Variants in FSTL5 observed in about 807,000 individuals in gnomAD.
FSTL5 encodes follistatin-related protein 5.
Under a neutral mutation model 89.1 loss-of-function variants are expected in FSTL5, and 62 were observed. That is an observed-to-expected ratio of 0.70 (90% CI 0.57 to 0.86). The LOEUF (loss-of-function observed/expected upper bound fraction) is 0.86. FSTL5 is among the 40% of genes least tolerant of loss of function. FSTL5 has a pLI of 0.00. For missense variants in FSTL5, 1,057 were observed against 1,001.6 expected (o/e 1.06, Z -0.75); for synonymous variants, 383 against 346.2 (o/e 1.11, Z -1.18).
Position 162,113,212 on chromosome 4 carries a change from T to A in FSTL5, c.-16-1800A>T, listed in dbSNP as rs556861236. 4.6e-5 allele frequency among the ~76,000 whole-genome samples: 7 copies of A among 152,300 alleles called. No homozygotes were observed. In the East Asian group the frequency reaches 1.4e-3, roughly 29 times the overall value. ...CCCTCGTAGTATGCACACCTTCACA[T>A]AACACCACACTTTTCCAGATTTTCA... On this transcript the variant is annotated intron_variant, in intron 1 of 15. Transcript: ENST00000306100.
intron 10 of FSTL5, among the ~76,000 whole-genome samples, chr4:161,526,564 G>A (rs1384875674): frequency 6.6e-6 from 1 of 152,108 alleles, no homozygotes; most frequent in Admixed American, 6.5e-5. Flanking sequence ...TTCTTCTAGG[G>A]TTTTTATGGT....
chr4:161,970,589 A>T (rs1163892651), intron 3 of FSTL5, among the ~76,000 whole-genome samples: 2 of 152,144 alleles, frequency 1.3e-5, no homozygotes, highest in Non-Finnish European at 2.9e-5. Flanking sequence ...AAGAGAAAAA[A>T]GTAAAATGCT....
intron 4 of FSTL5, among the ~76,000 whole-genome samples, chr4:161,779,811 GTATATA>G (rs1203119725): frequency 4.9e-5 from 2 of 40,440 alleles, no homozygotes; most frequent in Non-Finnish European, 9.2e-5. Flanking sequence ...ATATATATAT[GTATATA>G]TATATATATA....
At chr4:162,052,367 A>G (rs1440843503) in intron 2 of FSTL5, among the ~76,000 whole-genome samples, 2 of 151,794 alleles carry the variant, frequency 1.3e-5, no homozygotes. Flanking sequence ...AGATGATTTC[A>G]GAAAATAAAC....
At chr4:161,644,827 G>C (rs1736091129) in intron 7 of FSTL5, among the ~76,000 whole-genome samples, 1 of 152,096 alleles carries the variant, frequency 6.6e-6, no homozygotes, top group African/African-American at 2.4e-5. Flanking sequence ...ATAGTTTGAA[G>C]GTGAGAAATG....
At chr4:162,112,206 T>G (rs1470281063) in intron 1 of FSTL5, among the ~76,000 whole-genome samples, 1 of 152,152 alleles carries the variant, frequency 6.6e-6, no homozygotes, top group East Asian at 1.9e-4. Context: ...CTTTTTCTTC[T>G]GTCAAAGCCA....
In FSTL5 at chr4:161,530,294, G is replaced by C. The variant is rs1274007271; in HGVS notation, c.1312+7872C>G. On this transcript the variant is annotated intron_variant, in intron 10 of 15. Coordinates refer to ENST00000306100, the MANE Select transcript of FSTL5 (RefSeq NM_020116.5). Reference sequence around the variant, plus strand: ...TGTTTTTCAATTTTTTTTCAAGATAGTTGGAAACAAATGGCTGGATTTTAC... The same window carrying C: ...TGTTTTTCAATTTTTTTTCAAGATACTTGGAAACAAATGGCTGGATTTTAC... Among the ~76,000 whole-genome samples the C allele has an allele frequency of 1.4e-5, 2 of 141,128 alleles. 1 individual carries two copies. Among genetic ancestry groups the C allele is most frequent in the Non-Finnish European group, 3.1e-5 (2 of 64,656 alleles). The allele number at this position is 141,128 out of a possible 152,430, so 92.6% of individuals were successfully genotyped here.
chr4:161,413,956 T>C lies in FSTL5; in HGVS notation c.1842-27507A>G, dbSNP rs76294054. On this transcript the variant is annotated intron_variant, in intron 15 of 15. Transcript: ENST00000306100. Reference sequence around the variant, plus strand: ...GGGAGAGTGGGTTAGCAAAACTACCTACTGGGTACCATGCTAGCTACAGGT... The same window carrying C: ...GGGAGAGTGGGTTAGCAAAACTACCCACTGGGTACCATGCTAGCTACAGGT... Among the ~76,000 whole-genome samples the C allele has an allele frequency of 3.2e-3, 485 of 152,250 alleles. 12 individuals are homozygous for C. The East Asian group carries it at 0.054, about 17-fold the overall frequency.
intron 6 of FSTL5, among the ~76,000 whole-genome samples, chr4:161,718,225 G>A (rs544470335): frequency 6.6e-6 from 1 of 152,170 alleles, no homozygotes; most frequent in East Asian, 1.9e-4. Flanking sequence ...TATACTCTCA[G>A]TTTATTATCA....
intron 15 of FSTL5, chr4:161,388,421 A>G (rs1730716188): frequency 6.6e-6 from 1 of 152,036 alleles, no homozygotes; most frequent in African/African-American, 2.4e-5. Context: ...TCTGAATCAT[A>G]AGGAATAAAA....
At chr4:161,958,295 T>C (rs1735078888) in intron 3 of FSTL5, among the ~76,000 whole-genome samples, 1 of 152,148 alleles carries the variant, frequency 6.6e-6, no homozygotes, top group African/African-American at 2.4e-5. Flanking sequence ...ACTAATTCTA[T>C]CATTGCTGTC....
At chr4:161,940,929 A>G (rs1371102237) in intron 3 of FSTL5, among the ~76,000 whole-genome samples, 1 of 151,846 alleles carries the variant, frequency 6.6e-6, no homozygotes, top group Non-Finnish European at 1.5e-5. Context: ...GTTTTTCATT[A>G]TGTCTTAATG....
intron 15 of FSTL5, among the ~76,000 whole-genome samples, chr4:161,404,247 C>T (rs963643605): frequency 6.6e-6 from 1 of 152,088 alleles, no homozygotes; most frequent in African/African-American, 2.4e-5. Context: ...GCTACTGAAG[C>T]GTGGGTCAAT....
chr4:161,510,535 T>C, intron 10 of FSTL5, 111 bp from the exon 11 acceptor site: 1 of 584,142 alleles, frequency 1.7e-6, no homozygotes, highest in South Asian at 2.9e-5. Flanking sequence ...ATAGAATGTG[T>C]ATATAAACGT....
At chr4:162,014,362 G>T (rs969493610) in intron 3 of FSTL5, among the ~76,000 whole-genome samples, 3 of 152,172 alleles carry the variant, frequency 2.0e-5, no homozygotes, top group African/African-American at 7.2e-5. Context: ...TGAGGTTCTG[G>T]TTTAAAATTT....
chr4:161,752,271 AGATG>A (rs1453974339), intron 6 of FSTL5, among the ~76,000 whole-genome samples: 28 of 148,042 alleles, frequency 1.9e-4, no homozygotes, highest in African/African-American at 4.5e-4. Flanking sequence ...ATAGATAGAT[AGATG>A]GAATGTTTCC....
chr4:161,649,121 C>A (rs1001181928), intron 7 of FSTL5, among the ~76,000 whole-genome samples: 2 of 152,092 alleles, frequency 1.3e-5, no homozygotes, highest in Non-Finnish European at 2.9e-5. Flanking sequence ...CAACTGAACA[C>A]CTGAACCAGA....
intron 4 of FSTL5, among the ~76,000 whole-genome samples, chr4:161,843,635 T>C (rs538316160): frequency 6.6e-6 from 1 of 152,178 alleles, no homozygotes; most frequent in Admixed American, 6.6e-5. Flanking sequence ...TCAGAAATAC[T>C]GCCACACATC....
chr4:161,656,379 G>T lies in FSTL5; in HGVS notation c.843C>A (p.Ile281=), dbSNP rs904707110. 3 of 1,605,178 alleles carry T rather than the reference G, an allele frequency of 1.9e-6. No homozygotes were observed. Among genetic ancestry groups the T allele is most frequent in the Non-Finnish European group, 2.6e-6 (3 of 1,172,938 alleles). ...AIQGTLRPPI[I]WKRNNIILNN... ...TTAGAATAATATTGTTCCTTTTCCA[G>T]ATAATGGGAGGTCTCAGGGTTCCTT... Residue 281 remains isoleucine, a synonymous_variant, in exon 7 of 16, where the codon ATC becomes ATA. Transcript: ENST00000306100.
Sources: allele counts gnomAD v4.1 joint callset (sites outside exome capture counted in the v4.1 genomes callset), GRCh38; gene constraint gnomAD v4.1.1; transcripts MANE v1.5; gene names NCBI Gene and HGNC (gene_info 2026-07-23, HGNC 2026-07-21).